AIG1: variants seen among roughly 807,000 people sequenced by gnomAD.
AIG1 encodes the protein androgen-induced gene 1 protein.
Under a neutral mutation model 31.4 loss-of-function variants are expected in AIG1, and 23 were observed. That is an observed-to-expected ratio of 0.73 (90% CI 0.53 to 1.04). The LOEUF (loss-of-function observed/expected upper bound fraction) is 1.04, where lower values mean the gene tolerates loss of function less well. Among genes scored for constraint, AIG1 ranks in the 50% least tolerant of loss-of-function variants. The pLI, the probability that AIG1 is intolerant of heterozygous loss-of-function variation, is 0.00. For synonymous variants in AIG1, 100 were observed against 110.5 expected (o/e 0.90, Z 0.60); for missense variants, 274 against 295.0 (o/e 0.93, Z 0.52).
At chr6:143,164,686 G>A (rs189805458) in intron 2 of AIG1, among the ~76,000 whole-genome samples, 3 of 152,294 alleles carry the variant, frequency 2.0e-5, no homozygotes, top group Admixed American at 2.0e-4. Context: ...GACATAGCTG[G>A]CAGTTTCCTG....
chr6:143,308,456 C>G lies in AIG1; in HGVS notation c.515+24231C>G, dbSNP rs866230744. 8.5e-5 allele frequency among the ~76,000 whole-genome samples: 13 copies of G among 152,316 alleles called. No individual in the cohort carries two copies. In the Middle Eastern group the frequency reaches 0.01, roughly 120 times the overall value. ...TGTGTCCTCATTTTTTCCAGTGACTCAACACCTGGGCTTGCTCATTGTCTC... is the reference window on the plus strand; with the variant it reads ...TGTGTCCTCATTTTTTCCAGTGACTGAACACCTGGGCTTGCTCATTGTCTC... On this transcript the variant is annotated intron_variant, in intron 4 of 5. Coordinates refer to ENST00000357847, the MANE Select transcript of AIG1 (RefSeq NM_016108.4).
At chr6:143,190,376 CT>C (rs1789681105) in intron 3 of AIG1, 2 of 985,402 alleles carry the variant, frequency 2.0e-6, no homozygotes, top group Non-Finnish European at 2.4e-6. Context: ...GACCTCAGTG[CT>C]CAGCACTGGC....
Position 143,338,403 on chromosome 6 carries a change from C to T in AIG1, c.680-1236C>T, listed in dbSNP as rs1045425471. 6.0e-6 allele frequency: 1 copy of T among 165,894 alleles called. No homozygotes were observed. The highest frequency in any genetic ancestry group is 2.0e-4 in the South Asian group (1 of 4,958). 10.3% of individuals were successfully genotyped at this position (165,894 alleles called of 1,614,324 possible). A position where few individuals can be genotyped will look rare whatever the true frequency, so the allele number is the denominator to read the frequency against. ...TCCAGATCTCTGCCAGTTCCTTAGC[C>T]ATGAAAACCAAACATAAAAGATCAT... On this transcript the variant is annotated intron_variant, in intron 5 of 5. Transcript: ENST00000357847. The surrounding 1 kb of genome is among the most constrained non-coding windows in gnomAD (Gnocchi z 4.3).
At chr6:143,156,239 A>G (rs1384616185) in intron 2 of AIG1, among the ~76,000 whole-genome samples, 1 of 152,236 alleles carries the variant, frequency 6.6e-6, no homozygotes, top group Non-Finnish European at 1.5e-5. Flanking sequence ...GAAATTGGGA[A>G]ATTGGAAAGA....
At chr6:143,142,185 C>T (rs1017238485) in intron 2 of AIG1, among the ~76,000 whole-genome samples, 1 of 152,030 alleles carries the variant, frequency 6.6e-6, no homozygotes, top group Non-Finnish European at 1.5e-5. Context: ...GGTCCTCTCA[C>T]CTCAGTCTCC....
chr6:143,123,147 G>A (rs1341843631), intron 1 of AIG1, among the ~76,000 whole-genome samples: 1 of 152,028 alleles, frequency 6.6e-6, no homozygotes, highest in African/African-American at 2.4e-5. Context: ...CCAGTCCCAA[G>A]TCAGGTCCCC....
chr6:143,133,351 A>C (rs539143658), intron 1 of AIG1, among the ~76,000 whole-genome samples: 2 of 152,196 alleles, frequency 1.3e-5, no homozygotes, highest in Non-Finnish European at 2.9e-5. Flanking sequence ...TGTTGTAGAC[A>C]ATAAGGCCTC....
intron 4 of AIG1, among the ~76,000 whole-genome samples, chr6:143,318,845 A>G (rs926108890): frequency 1.3e-5 from 2 of 152,222 alleles, no homozygotes; most frequent in Admixed American, 6.5e-5. Flanking sequence ...TCAAATGAAG[A>G]TATACAAATG....
rs1191628091 is a variant in AIG1, at chr6:143,335,193, T to G, written c.679+1748T>G. 3.2e-6 allele frequency: 4 copies of G among 1,254,658 alleles called. No homozygotes were observed. The African/African-American group carries it at 6.2e-5, about 19-fold the overall frequency. 77.7% of individuals were successfully genotyped at this position (1,254,658 alleles called of 1,614,324 possible). Reference sequence around the variant, plus strand: ...CCCAACTTCTACCTATCAAGTTCTGTTAGGCCTACATCGTGGAATTTTTGT... The same window carrying G: ...CCCAACTTCTACCTATCAAGTTCTGGTAGGCCTACATCGTGGAATTTTTGT... On this transcript the variant is annotated intron_variant, in intron 5 of 5. Transcript: ENST00000357847.
chr6:143,308,490 A>G (rs12190307), intron 4 of AIG1, among the ~76,000 whole-genome samples: 10,331 of 152,270 alleles, frequency 0.068, 599 homozygotes, highest in East Asian at 0.28. Context: ...TCTATTGTCT[A>G]AAATAAATGC....
At chr6:143,072,160 C>T (rs1371943273) in intron 1 of AIG1, among the ~76,000 whole-genome samples, 1 of 152,056 alleles carries the variant, frequency 6.6e-6, no homozygotes, top group Non-Finnish European at 1.5e-5. Context: ...TGCTTACTTG[C>T]CATCTGTATA....
intron 3 of AIG1, among the ~76,000 whole-genome samples, chr6:143,208,993 G>A (rs1158931402): frequency 6.6e-6 from 1 of 151,986 alleles, no homozygotes; most frequent in African/African-American, 2.4e-5. Flanking sequence ...TAGAGGACAA[G>A]CAGGAGAAAG....
intron 4 of AIG1, among the ~76,000 whole-genome samples, chr6:143,309,982 A>C (rs1775134711): frequency 6.6e-6 from 1 of 151,980 alleles, no homozygotes; most frequent in Admixed American, 6.6e-5. Flanking sequence ...ACAACAGAGC[A>C]TAAAAATACA....
At position 143,293,220 on chromosome 6, in the gene AIG1, A is replaced by G. The variant is rs1798174614; in HGVS notation, c.515+8995A>G. 6.6e-6 allele frequency among the ~76,000 whole-genome samples: 1 copy of G among 151,418 alleles called. No homozygotes were observed. Among genetic ancestry groups the G allele is most frequent in the Non-Finnish European group, 1.5e-5 (1 of 67,868 alleles). On this transcript the variant is annotated intron_variant, in intron 4 of 5. Transcript: ENST00000357847. The surrounding 1 kb of genome is among the most constrained non-coding windows in gnomAD (Gnocchi z 4.8). ...TTTTTCTCTCTCTCTCTTCCCCGCC[A>G]CCCTTATTTTATTTTCATTTTATCC...
intron 1 of AIG1, among the ~76,000 whole-genome samples, chr6:143,079,824 T>G (rs1185508657): frequency 7.1e-6 from 1 of 140,780 alleles, no homozygotes; most frequent in African/African-American, 2.8e-5. Context: ...TTTAATAGAG[T>G]GAAAACAGAG....
At chr6:143,181,391 C>A (rs970432902) in intron 3 of AIG1, among the ~76,000 whole-genome samples, 1 of 152,174 alleles carries the variant, frequency 6.6e-6, no homozygotes, top group Non-Finnish European at 1.5e-5. Context: ...TTCAGAACTG[C>A]TTCATGCTAT....
intron 3 of AIG1, among the ~76,000 whole-genome samples, chr6:143,259,135 G>A (rs933180411): frequency 3.7e-4 from 56 of 152,126 alleles, no homozygotes; most frequent in Non-Finnish European, 7.4e-5. Context: ...CATGAGTGAA[G>A]GCAGCATGAG....
chr6:143,205,023 G>C (rs1002798369), intron 3 of AIG1, among the ~76,000 whole-genome samples: 3 of 152,154 alleles, frequency 2.0e-5, no homozygotes, highest in African/African-American at 4.8e-5. Flanking sequence ...GTCTTCCACA[G>C]ACTTCTGTCT....
intron 4 of AIG1, among the ~76,000 whole-genome samples, chr6:143,300,578 T>C (rs1798755454): frequency 6.6e-6 from 1 of 152,180 alleles, no homozygotes; most frequent in South Asian, 2.1e-4. Flanking sequence ...AATTAAAAAC[T>C]ACTAGTGATA....
Sources: gnomAD v4.1 joint callset for allele counts (sites outside exome capture counted in the v4.1 genomes callset) on GRCh38, gnomAD v4.1.1 for gene constraint, Gnocchi (gnomAD v3.1) non-coding constraint, MANE v1.5 for transcripts, NCBI Gene and HGNC (gene_info 2026-07-23, HGNC 2026-07-21) for gene names.